The following RIMBP2 variants were observed in gnomAD, a reference collection of about 807,000 sequenced individuals.
RIMBP2 encodes RIMS-binding protein 2.
In RIMBP2, 48 loss-of-function variants were observed where a neutral mutation model predicts 118.6. The ratio of observed to expected loss-of-function variants is 0.40; its 90% CI spans 0.32 to 0.51. RIMBP2 has a LOEUF of 0.51. RIMBP2 is among the 20% of genes least tolerant of loss of function. The pLI is 0.41. For synonymous variants in RIMBP2, 762 were observed against 742.9 expected, an observed-to-expected ratio of 1.03 and a Z score of -0.42; for missense variants, 1,551 against 1,768.3, an observed-to-expected ratio of 0.88 and a Z score of 2.20.
At chr12:130,505,316 A>G (rs74789069) in intron 4 of RIMBP2, among the ~76,000 whole-genome samples, 9,845 of 152,120 alleles carry the variant, frequency 0.065, 789 homozygotes, top group African/African-American at 0.19. Context: ...TGGAATCCAC[A>G]TGCCATGAAG....
At chr12:130,464,027 C>G (rs2080238385) in intron 6 of RIMBP2, among the ~76,000 whole-genome samples, 1 of 152,214 alleles carries the variant, frequency 6.6e-6, no homozygotes, top group Non-Finnish European at 1.5e-5. Flanking sequence ...TCAGGAAGTT[C>G]CCCTACATGG....
chr12:130,651,110 C>CT (rs990281858), intron 1 of RIMBP2, among the ~76,000 whole-genome samples: 1 of 152,152 alleles, frequency 6.6e-6, no homozygotes, highest in Non-Finnish European at 1.5e-5. Flanking sequence ...GGCTCCACTC[C>CT]TGGCTTCTTA....
chr12:130,525,835 A>C lies in RIMBP2; in HGVS notation c.-216-7918T>G, dbSNP rs548828793. ...TGAAATCTCATCCAGTCCTCTCAGC[A>C]CTGCCATGTGGCAGACATTCTTGCT... On this transcript the variant is annotated intron_variant, in intron 2 of 22. Transcript: ENST00000690449. This position sits in a 1 kb window ranked among gnomAD's most constrained non-coding sequence, Gnocchi z 4.4. Among the ~76,000 whole-genome samples the C allele has an allele frequency of 3.9e-5, 6 of 152,242 alleles. No individual in the cohort carries two copies. The highest frequency in any genetic ancestry group is 3.3e-4 in the Admixed American group (5 of 15,302).
intron 16 of RIMBP2, among the ~76,000 whole-genome samples, chr12:130,423,761 A>C (rs558952727): frequency 2.0e-5 from 3 of 151,756 alleles, no homozygotes; most frequent in Admixed American, 6.6e-5. Flanking sequence ...AGGAAAAAAA[A>C]CCCTCGACAA....
Position 130,609,148 on chromosome 12 carries a change from G to A in RIMBP2, c.-217+19174C>T, listed in dbSNP as rs116291610. On this transcript the variant is annotated intron_variant, in intron 2 of 22. Transcript: ENST00000690449. ...AATGGAATGGCCACGAGCCCACTAT[G>A]TCACTGGTACCGACCCAAAGAAAAT... 6.0e-3 allele frequency among the ~76,000 whole-genome samples: 917 copies of A among 152,228 alleles called. 13 individuals are homozygous for A. Among genetic ancestry groups the A allele is most frequent in the African/African-American group, 0.021 (886 of 41,518 alleles).
chr12:130,646,581 C>G (rs1037322791), intron 1 of RIMBP2, among the ~76,000 whole-genome samples: 4 of 151,862 alleles, frequency 2.6e-5, no homozygotes, highest in African/African-American at 9.7e-5. Context: ...AATCCAAGGT[C>G]GCAAGCACAC....
intron 13 of RIMBP2, 33 bp downstream of exon 13, chr12:130,436,809 G>T: frequency 7.3e-7 from 1 of 1,370,758 alleles, no homozygotes; most frequent in Non-Finnish European, 9.4e-7. Flanking sequence ...TTTGGGGACT[G>T]AGGAGCCACC....
At chr12:130,438,334 A>ATCCCACCCCCCCCCCCCC in intron 12 of RIMBP2, 31 bp downstream of exon 12, 3 of 1,344,516 alleles carry the variant, frequency 2.2e-6, no homozygotes, top group Non-Finnish European at 3.2e-6. Flanking sequence ...GGGCCTAACA[A>ATCCCACCCCCCCCCCCCC]ACCCTCCCCA....
rs1389267754 is a variant in RIMBP2, at chr12:130,683,728, C to G, written c.-352+32494G>C. On this transcript the variant is annotated intron_variant, in intron 1 of 22. Transcript: ENST00000690449. This position sits in a 1 kb window ranked among gnomAD's most constrained non-coding sequence, Gnocchi z 4.4. ...CCTCATTGCTACACTCCCACCAGCA[C>G]TACGACAATTTACAAACGCCATGGC... 6.6e-6 allele frequency among the ~76,000 whole-genome samples: 1 copy of G among 152,208 alleles called. No individual in the cohort carries two copies. Among genetic ancestry groups the G allele is most frequent in the Non-Finnish European group, 1.5e-5 (1 of 68,036 alleles).
chr12:130,499,241 C>T (rs1427663536), intron 4 of RIMBP2, among the ~76,000 whole-genome samples: 1 of 152,198 alleles, frequency 6.6e-6, no homozygotes, highest in African/African-American at 2.4e-5. Flanking sequence ...TCTTCCCCAA[C>T]ATTGAGAACT....
At chr12:130,677,843 T>C (rs779474053) in intron 1 of RIMBP2, among the ~76,000 whole-genome samples, 28 of 152,218 alleles carry the variant, frequency 1.8e-4, no homozygotes, top group Non-Finnish European at 3.5e-4. Flanking sequence ...AATGTTCATT[T>C]TAAAGCATAA....
intron 1 of RIMBP2, among the ~76,000 whole-genome samples, chr12:130,674,842 G>A (rs904117296): frequency 3.3e-5 from 5 of 152,042 alleles, no homozygotes; most frequent in South Asian, 2.1e-4. Flanking sequence ...GGGACGGGTC[G>A]TATACGTGGG....
chr12:130,523,985 T>C lies in RIMBP2; in HGVS notation c.-216-6068A>G, dbSNP rs888551825. 1.3e-5 allele frequency among the ~76,000 whole-genome samples: 2 copies of C among 152,058 alleles called. No homozygotes were observed. Among genetic ancestry groups the C allele is most frequent in the Non-Finnish European group, 2.9e-5 (2 of 68,014 alleles). ...AGGATCTGGTATCCACGCTACAGGA[T>C]TCAAAACCATGAACATCCAATCTCC... On this transcript the variant is annotated intron_variant, in intron 2 of 22. Transcript: ENST00000690449. The surrounding 1 kb of genome is among the most constrained non-coding windows in gnomAD (Gnocchi z 4.4).
chr12:130,413,880 C>G (rs1269951338), intron 18 of RIMBP2, among the ~76,000 whole-genome samples: 1 of 152,148 alleles, frequency 6.6e-6, no homozygotes, highest in African/African-American at 2.4e-5. Context: ...CTAATAGAAT[C>G]CAGAGTTCAC....
At chr12:130,403,368 T>A (rs2074839942) in intron 21 of RIMBP2, among the ~76,000 whole-genome samples, 1 of 152,134 alleles carries the variant, frequency 6.6e-6, no homozygotes, top group Non-Finnish European at 1.5e-5. Context: ...TATAAAAACT[T>A]AGGGAAGACT....
chr12:130,489,450 C>A (rs1000838040), intron 4 of RIMBP2, among the ~76,000 whole-genome samples: 2 of 152,114 alleles, frequency 1.3e-5, no homozygotes, highest in African/African-American at 4.8e-5. Flanking sequence ...TTCCCAGACG[C>A]CCTCGCCCTC....
rs780345554 is a variant in RIMBP2, at chr12:130,442,161, C to T, written c.1191G>A (p.Leu397=). ...CVTSRGSSDE[L]QCTLLVGKDV... ...CCTTGCCCACCAGCAGCGTGCACTG[C>T]AGCTCATCCGAGCTGCCCCTGCTGG... Residue 397 remains leucine, a synonymous_variant, in exon 11 of 23, where the codon CTG becomes CTA. Coordinates refer to ENST00000690449, the MANE Select transcript of RIMBP2 (RefSeq NM_001393629.1). This position sits in a 1 kb window ranked among gnomAD's most constrained non-coding sequence, Gnocchi z 6.9. The T allele has an allele frequency of 1.2e-6, 2 of 1,614,176 alleles. No homozygotes were observed. The highest frequency in any genetic ancestry group is 8.5e-7 in the Non-Finnish European group (1 of 1,180,026).
chr12:130,540,171 T>C (rs1000394084), intron 2 of RIMBP2, among the ~76,000 whole-genome samples: 8 of 152,206 alleles, frequency 5.3e-5, no homozygotes, highest in Non-Finnish European at 1.0e-4. Context: ...TGGAAACCAG[T>C]GCAGGGCTGA....
intron 21 of RIMBP2, among the ~76,000 whole-genome samples, chr12:130,401,804 A>G (rs2074606940): frequency 6.6e-6 from 1 of 152,168 alleles, no homozygotes; most frequent in South Asian, 2.1e-4. Context: ...TTTCTCTGCC[A>G]GCCTTAGAAA....
Sources: allele counts gnomAD v4.1 joint callset (sites outside exome capture counted in the v4.1 genomes callset), GRCh38; gene constraint gnomAD v4.1.1; non-coding constraint Gnocchi (gnomAD v3.1); transcripts MANE v1.5; gene names NCBI Gene and HGNC (gene_info 2026-07-23, HGNC 2026-07-21).